PTPRG: variants seen among roughly 807,000 people sequenced by gnomAD.
PTPRG encodes protein tyrosine phosphatase receptor type G.
Under a neutral mutation model 165.3 loss-of-function variants are expected in PTPRG, and 102 were observed. That is an observed-to-expected ratio of 0.62 (90% CI 0.53 to 0.73). The LOEUF is 0.73. PTPRG is among the 30% of genes least tolerant of loss of function. The probability of loss-of-function intolerance (pLI) is 0.00; values close to 1 mark genes in which losing one functional copy is unlikely to be tolerated. For synonymous variants in PTPRG, 675 were observed against 669.5 expected (o/e 1.01, Z -0.13); for missense variants, 1,866 against 1,861.4 (o/e 1.00, Z -0.05).
chr3:62,077,232 A>G (rs1307559494), intron 4 of PTPRG, among the ~76,000 whole-genome samples: 1 of 152,066 alleles, frequency 6.6e-6, no homozygotes, highest in African/African-American at 2.4e-5. Context: ...CTGCCACTGC[A>G]TTCCAGCCTC....
intron 5 of PTPRG, among the ~76,000 whole-genome samples, chr3:62,101,595 G>A (rs149405170): frequency 6.6e-6 from 1 of 152,258 alleles, no homozygotes; most frequent in East Asian, 1.9e-4. Flanking sequence ...AGCCTTCCAG[G>A]CCATCCTGCA....
At chr3:61,877,984 T>C (rs2037790298) in intron 2 of PTPRG, among the ~76,000 whole-genome samples, 1 of 152,228 alleles carries the variant, frequency 6.6e-6, no homozygotes, top group South Asian at 2.1e-4. Flanking sequence ...TAATTTGAAA[T>C]GCTGCCAAGG....
intron 2 of PTPRG, among the ~76,000 whole-genome samples, chr3:61,865,073 T>C (rs981221032): frequency 6.6e-6 from 1 of 152,208 alleles, no homozygotes; most frequent in South Asian, 2.1e-4. Context: ...TTTGGGTTTC[T>C]GGAGACTGGA....
intron 3 of PTPRG, among the ~76,000 whole-genome samples, chr3:61,991,674 G>A (rs1575858720): frequency 6.6e-6 from 1 of 152,208 alleles, no homozygotes; most frequent in African/African-American, 2.4e-5. Context: ...AATGTAGTGG[G>A]CGAGAGCTTT....
At chr3:62,163,100 G>A (rs1576081460) in intron 7 of PTPRG, among the ~76,000 whole-genome samples, 1 of 152,084 alleles carries the variant, frequency 6.6e-6, no homozygotes, top group South Asian at 2.1e-4. Context: ...CAGATCTCGT[G>A]AGAATCCACT....
chr3:61,935,532 C>A (rs2039464385), intron 2 of PTPRG, among the ~76,000 whole-genome samples: 1 of 152,230 alleles, frequency 6.6e-6, no homozygotes, highest in African/African-American at 2.4e-5. Context: ...AGAAACACTA[C>A]CTAAAGCAGT....
chr3:61,726,018 G>C (rs1403182315), intron 1 of PTPRG, among the ~76,000 whole-genome samples: 1 of 152,180 alleles, frequency 6.6e-6, no homozygotes, highest in African/African-American at 2.4e-5. Flanking sequence ...GCACTGCTGA[G>C]TGTTAGTTGG....
intron 2 of PTPRG, among the ~76,000 whole-genome samples, chr3:61,978,145 C>A (rs1225371026): frequency 6.6e-6 from 1 of 152,194 alleles, no homozygotes; most frequent in Admixed American, 6.5e-5. Context: ...AGCCACCATG[C>A]CTGACTGACA....
chr3:62,116,237 TC>T (rs1443212525), intron 5 of PTPRG, among the ~76,000 whole-genome samples: 1 of 152,130 alleles, frequency 6.6e-6, no homozygotes, highest in Non-Finnish European at 1.5e-5. Flanking sequence ...AGATTGAAAA[TC>T]CATCTAGTAT....
chr3:61,881,084 G>C (rs952433636), intron 2 of PTPRG, among the ~76,000 whole-genome samples: 1 of 150,008 alleles, frequency 6.7e-6, no homozygotes. Context: ...TTTTTTTCCA[G>C]ATATAAAAAT....
intron 5 of PTPRG, among the ~76,000 whole-genome samples, chr3:62,088,278 T>C (rs934658290): frequency 2.0e-5 from 3 of 152,190 alleles, no homozygotes; most frequent in African/African-American, 7.2e-5. Context: ...CCAAAATGTC[T>C]GTGCTGGCTG....
intron 1 of PTPRG, among the ~76,000 whole-genome samples, chr3:61,640,315 C>G (rs1702026148): frequency 6.6e-6 from 1 of 152,160 alleles, no homozygotes; most frequent in African/African-American, 2.4e-5. Context: ...GAAAGCCGCC[C>G]TCTGGAGAGA....
intron 2 of PTPRG, among the ~76,000 whole-genome samples, chr3:61,931,679 C>G (rs1276536171): frequency 6.6e-6 from 1 of 152,160 alleles, no homozygotes; most frequent in Non-Finnish European, 1.5e-5. Flanking sequence ...ACAACTGAGT[C>G]TATGTTGTTT....
chr3:61,954,259 G>C (rs2039984199), intron 2 of PTPRG, among the ~76,000 whole-genome samples: 1 of 152,134 alleles, frequency 6.6e-6, no homozygotes, highest in Non-Finnish European at 1.5e-5. Flanking sequence ...TCTTGTTTGA[G>C]GTTCATTTTT....
rs1230151474 is a variant in PTPRG at position 61,656,138 on chromosome 3, G to A, written c.86-92740G>A. 3.3e-5 allele frequency among the ~76,000 whole-genome samples: 5 copies of A among 152,098 alleles called. No individual in the cohort carries two copies. The East Asian group carries it at 9.7e-4, about 29-fold the overall frequency. On this transcript the variant is annotated intron_variant, in intron 1 of 29. Transcript: ENST00000474889. ...GTCCCACTTCTCAGGAGGCTGAGGA[G>A]GGAGGATCAGTTGAACCCAGGAGTT... is the stretch of plus-strand genomic sequence containing the variant.
chr3:61,860,896 C>G (rs78459033), intron 2 of PTPRG, among the ~76,000 whole-genome samples: 1 of 151,488 alleles, frequency 6.6e-6, no homozygotes, highest in African/African-American at 2.4e-5. Context: ...GTATCCGTCA[C>G]CACAGTCAAG....
intron 5 of PTPRG, among the ~76,000 whole-genome samples, chr3:62,125,286 G>C (rs985893826): frequency 6.6e-6 from 1 of 152,194 alleles, no homozygotes; most frequent in African/African-American, 2.4e-5. Flanking sequence ...CTGGCAACCT[G>C]TTTGATCCAA....
At chr3:61,642,111 T>TA (rs537790086) in intron 1 of PTPRG, among the ~76,000 whole-genome samples, 53 of 152,230 alleles carry the variant, frequency 3.5e-4, no homozygotes, top group African/African-American at 1.2e-3. Flanking sequence ...ATCAAAGGAC[T>TA]AAGGCAGAAG....
chr3:61,718,506 CGTTA>C (rs1280285858), intron 1 of PTPRG, among the ~76,000 whole-genome samples: 9 of 152,012 alleles, frequency 5.9e-5, no homozygotes, highest in East Asian at 5.8e-4. Context: ...TGTGACCATC[CGTTA>C]GTTTTAAAAT....
Sources: allele counts gnomAD v4.1 joint callset (sites outside exome capture counted in the v4.1 genomes callset), GRCh38; gene constraint gnomAD v4.1.1; transcripts MANE v1.5; gene names NCBI Gene and HGNC (gene_info 2026-07-23, HGNC 2026-07-21).